Variants in FGF1 observed in about 807,000 individuals in gnomAD.
The protein encoded by FGF1 is fibroblast growth factor 1, also known as beta-endothelial cell growth factor.
FGF1 carries 9 observed loss-of-function variants against 13.4 expected under a neutral mutation model. The observed-to-expected ratio is 0.67, with a 90% CI of 0.40 to 1.17. FGF1 has a LOEUF of 1.17. FGF1 is among the 50% of genes most tolerant of loss of function. The pLI is 0.01. For missense variants in FGF1, 156 were observed against 192.7 expected (o/e 0.81, Z 1.13); for synonymous variants, 93 against 79.0 (o/e 1.18, Z -0.94).
At chr5:142,669,495 TC>T (rs1416228128) in intron 1 of FGF1, among the ~76,000 whole-genome samples, 1 of 151,916 alleles carries the variant, frequency 6.6e-6, no homozygotes, top group Non-Finnish European at 1.5e-5. Flanking sequence ...GAGAGATGGC[TC>T]CAAAGACACT....
intron 1 of FGF1, among the ~76,000 whole-genome samples, chr5:142,681,313 G>T (rs536654961): frequency 3.1e-4 from 47 of 152,206 alleles, no homozygotes; most frequent in Non-Finnish European, 2.5e-4. Flanking sequence ...AGCTCAACAT[G>T]ACCTCTGGCC....
intron 2 of FGF1, among the ~76,000 whole-genome samples, chr5:142,604,006 A>T (rs913991496): frequency 2.0e-5 from 3 of 152,234 alleles, no homozygotes; most frequent in Admixed American, 2.0e-4. Context: ...GGAAGAAAGC[A>T]TCACAAAGGA....
chr5:142,605,548 T>C (rs890031091), intron 2 of FGF1, among the ~76,000 whole-genome samples: 11 of 152,318 alleles, frequency 7.2e-5, no homozygotes, highest in South Asian at 2.1e-4. Flanking sequence ...AGTTCCATCA[T>C]GGCCATGAAG....
rs367643846 is a variant in FGF1 at position 142,617,140 on chromosome 5, G to A, written c.-34-2979C>T. Among the ~76,000 whole-genome samples, 5 of 152,288 alleles carry A rather than the reference G, an allele frequency of 3.3e-5. No individual in the cohort carries two copies. In the South Asian group the frequency reaches 1.0e-3, roughly 32 times the overall value. On this transcript the variant is annotated intron_variant, in intron 1 of 3. Coordinates refer to ENST00000337706, the MANE Select transcript of FGF1 (RefSeq NM_000800.5). ...AGCACTTTGGGAGGCCGAGGTGGGT[G>A]GATCACCTGAGGTCAAGCGTTCAAG...
At chr5:142,597,850 T>C (rs1216512618) in intron 3 of FGF1, among the ~76,000 whole-genome samples, 2 of 152,232 alleles carry the variant, frequency 1.3e-5, no homozygotes, top group Non-Finnish European at 2.9e-5. Flanking sequence ...TTGCAAATAA[T>C]AGGTGCTCAC....
intron 1 of FGF1, among the ~76,000 whole-genome samples, chr5:142,650,703 T>C (rs1767076910): frequency 6.6e-6 from 1 of 152,038 alleles, no homozygotes; most frequent in South Asian, 2.1e-4. Context: ...ATGTATACTG[T>C]GGTCTCATTA....
At chr5:142,622,852 T>G (rs978139242) in intron 1 of FGF1, among the ~76,000 whole-genome samples, 4 of 152,254 alleles carry the variant, frequency 2.6e-5, no homozygotes. Flanking sequence ...GGCTAGCATC[T>G]CAGCATGCTG....
rs553349597 is a variant in FGF1, at chr5:142,594,999, T to G, written c.*291A>C. 7.4e-5 allele frequency: 25 copies of G among 339,590 alleles called. No individual in the cohort carries two copies. The East Asian group carries it at 1.4e-3, about 19-fold the overall frequency. 21.0% of individuals were successfully genotyped at this position (339,590 alleles called of 1,614,324 possible). A position where few individuals can be genotyped will look rare whatever the true frequency, so the allele number is the denominator to read the frequency against. On this transcript the variant is annotated 3_prime_UTR_variant, in exon 4 of 4. Coordinates refer to ENST00000337706, the MANE Select transcript of FGF1 (RefSeq NM_000800.5). Reference sequence around the variant, plus strand: ...CTTAACACACTTCATTTAGCCCCACTTTTGCATGGAGGGACTCAGCCTGCA... The same window carrying G: ...CTTAACACACTTCATTTAGCCCCACGTTTGCATGGAGGGACTCAGCCTGCA...
intron 1 of FGF1, among the ~76,000 whole-genome samples, chr5:142,655,987 G>A (rs1561681830): frequency 6.6e-6 from 1 of 152,182 alleles, no homozygotes; most frequent in Non-Finnish European, 1.5e-5. Flanking sequence ...AAGAGTGAGG[G>A]AGGGTTTTCC....
At chr5:142,617,390 C>T (rs1760485687) in intron 1 of FGF1, among the ~76,000 whole-genome samples, 1 of 152,056 alleles carries the variant, frequency 6.6e-6, no homozygotes, top group Non-Finnish European at 1.5e-5. Flanking sequence ...GGCTTTTCTT[C>T]TAGATTCTAG....
At chr5:142,602,451 A>G (rs980789424) in intron 2 of FGF1, among the ~76,000 whole-genome samples, 1 of 152,130 alleles carries the variant, frequency 6.6e-6, no homozygotes, top group Non-Finnish European at 1.5e-5. Flanking sequence ...CTGGGATTAC[A>G]GGTGTGAGCC....
intron 1 of FGF1, among the ~76,000 whole-genome samples, chr5:142,618,483 C>G (rs1426386690): frequency 6.6e-6 from 1 of 152,156 alleles, no homozygotes; most frequent in Non-Finnish European, 1.5e-5. Context: ...TTGGACCTGA[C>G]CTATAGGAGA....
chr5:142,633,368 A>T (rs1763671914), intron 1 of FGF1, among the ~76,000 whole-genome samples: 1 of 152,134 alleles, frequency 6.6e-6, no homozygotes, highest in Non-Finnish European at 1.5e-5. Context: ...TACAGGCTTG[A>T]GTTCCATTTT....
chr5:142,657,747 G>A (rs1445064092), intron 1 of FGF1, among the ~76,000 whole-genome samples: 2 of 152,188 alleles, frequency 1.3e-5, no homozygotes, highest in African/African-American at 2.4e-5. Flanking sequence ...AGTGGGCAGC[G>A]GAACTTTCCA....
chr5:142,597,011 C>T (rs540044979), intron 3 of FGF1, among the ~76,000 whole-genome samples: 15 of 152,184 alleles, frequency 9.9e-5, no homozygotes, highest in African/African-American at 3.6e-4. Context: ...TTCAATACTG[C>T]TAACGAGAAA....
intron 1 of FGF1, among the ~76,000 whole-genome samples, chr5:142,684,477 A>G (rs1252637213): frequency 4.6e-5 from 7 of 152,218 alleles, no homozygotes; most frequent in Non-Finnish European, 1.0e-4. Flanking sequence ...AAACCCATTT[A>G]TTCACACTAA....
chr5:142,665,446 G>A (rs968954818), intron 1 of FGF1, among the ~76,000 whole-genome samples: 29 of 152,192 alleles, frequency 1.9e-4, no homozygotes, highest in Non-Finnish European at 2.2e-4. Context: ...CTTGGAAAAG[G>A]TCGCCACAGG....
intron 1 of FGF1, among the ~76,000 whole-genome samples, chr5:142,629,570 C>T (rs1762997780): frequency 6.6e-6 from 1 of 152,098 alleles, no homozygotes; most frequent in African/African-American, 2.4e-5. Context: ...CTTCCTTGTC[C>T]TCTATCTCAG....
intron 2 of FGF1, among the ~76,000 whole-genome samples, chr5:142,606,699 A>G (rs770965904): frequency 1.2e-4 from 18 of 152,208 alleles, no homozygotes; most frequent in Non-Finnish European, 2.1e-4. Flanking sequence ...ACTGTGCACC[A>G]GATACTGACC....
Sources: gnomAD v4.1 joint callset for allele counts (sites outside exome capture counted in the v4.1 genomes callset) on GRCh38, gnomAD v4.1.1 for gene constraint, MANE v1.5 for transcripts, NCBI Gene and HGNC (gene_info 2026-07-23, HGNC 2026-07-21) for gene names.